The following SCGB2B2 variants were observed in gnomAD, a reference collection of about 807,000 sequenced individuals.
SCGB2B2 encodes secretoglobin family 2B member 2.
A neutral mutation model predicts 7.6 loss-of-function variants in SCGB2B2; 11 were observed. The ratio of observed to expected loss-of-function variants is 1.45; its 90% CI spans 0.91 to 2.40. SCGB2B2 has a LOEUF of 2.40. Ranked by LOEUF, SCGB2B2 falls within the 30% of genes most tolerant of loss-of-function variation. The pLI is 0.00. For synonymous variants in SCGB2B2, 50 were observed against 48.6 expected, an observed-to-expected ratio of 1.03 and a Z score of -0.12; for missense variants, 104 against 115.4, an observed-to-expected ratio of 0.90 and a Z score of 0.45.
chr19:34,669,078 C>A (rs1291727283), intron 1 of SCGB2B2, among the ~76,000 whole-genome samples: 2 of 152,144 alleles, frequency 1.3e-5, no homozygotes, highest in Admixed American at 1.3e-4. Context: ...TGAAAGTCTG[C>A]AGCTTCACTC....
At chr19:34,648,682 C>T (rs971387679) in intron 1 of SCGB2B2, among the ~76,000 whole-genome samples, 43 of 150,666 alleles carry the variant, frequency 2.9e-4, no homozygotes, top group African/African-American at 6.6e-4. Flanking sequence ...TTTGTATTAA[C>T]GTTAAAATTT....
chr19:34,657,807 C>G (rs1386264526), intron 1 of SCGB2B2, among the ~76,000 whole-genome samples: 1 of 152,188 alleles, frequency 6.6e-6, no homozygotes, highest in African/African-American at 2.4e-5. Context: ...TTCTCAGCAC[C>G]ACATCGCACT....
chr19:34,587,681 G>A (rs1242974485), downstream of SCGB2B2, among the ~76,000 whole-genome samples: 1 of 152,098 alleles, frequency 6.6e-6, no homozygotes, highest in Non-Finnish European at 1.5e-5. Context: ...GCCATACATC[G>A]ATTTATTGTG....
At chr19:34,608,057 T>C (rs1295210356) in intron 1 of SCGB2B2, among the ~76,000 whole-genome samples, 1 of 152,210 alleles carries the variant, frequency 6.6e-6, no homozygotes, top group Non-Finnish European at 1.5e-5. Flanking sequence ...CTTTGGGTAT[T>C]ATGAATATTT....
chr19:34,638,547 AATTGATTAT>A (rs2066755452), intron 1 of SCGB2B2, among the ~76,000 whole-genome samples: 1 of 152,148 alleles, frequency 6.6e-6, no homozygotes, highest in African/African-American at 2.4e-5. Flanking sequence ...AAGCTCATTG[AATTGATTAT>A]ATTTCCACGG....
At chr19:34,647,568 C>T (rs1177829731) in intron 1 of SCGB2B2, among the ~76,000 whole-genome samples, 1 of 131,480 alleles carries the variant, frequency 7.6e-6, no homozygotes, top group African/African-American at 2.5e-5. Flanking sequence ...CACGTCTTCT[C>T]GCCTTTGTCC....
chr19:34,601,704 A>G (rs1208091909), intron 1 of SCGB2B2, among the ~76,000 whole-genome samples: 1 of 152,208 alleles, frequency 6.6e-6, no homozygotes, highest in East Asian at 1.9e-4. Flanking sequence ...AAAACTTTTA[A>G]TATTTTATCT....
chr19:34,643,456 G>T (rs118160957), intron 1 of SCGB2B2, among the ~76,000 whole-genome samples: 1 of 152,052 alleles, frequency 6.6e-6, no homozygotes, highest in Non-Finnish European at 1.5e-5. Context: ...GGAGGTTAAC[G>T]CATGAAAGCC....
chr19:34,661,117 C>T (rs1393471482), intron 1 of SCGB2B2, among the ~76,000 whole-genome samples: 2 of 142,782 alleles, frequency 1.4e-5, no homozygotes, highest in Non-Finnish European at 3.0e-5. Context: ...CATGTCGGGG[C>T]CTGTCGGGGG....
chr19:34,672,973 C>T (rs1028468011), intron 1 of SCGB2B2, among the ~76,000 whole-genome samples: 1 of 148,570 alleles, frequency 6.7e-6, no homozygotes, highest in African/African-American at 2.5e-5. Context: ...AATTCTGTGG[C>T]GGGGGCGGGG....
intron 1 of SCGB2B2, among the ~76,000 whole-genome samples, chr19:34,606,848 A>C (rs8104773): frequency 0.31 from 47,703 of 151,720 alleles, 8,305 homozygotes; most frequent in Middle Eastern, 0.47. Context: ...ATTGTACACA[A>C]GGTTCAGTAC....
intron 1 of SCGB2B2, among the ~76,000 whole-genome samples, chr19:34,656,688 T>G (rs561204215): frequency 6.6e-6 from 1 of 151,372 alleles, no homozygotes; most frequent in Non-Finnish European, 1.5e-5. Flanking sequence ...AAAAATCTGA[T>G]GTTAAACTTC....
intron 1 of SCGB2B2, among the ~76,000 whole-genome samples, chr19:34,610,037 C>G (rs887538697): frequency 6.6e-6 from 1 of 152,018 alleles, no homozygotes; most frequent in African/African-American, 2.4e-5. Context: ...TCTTTCACCT[C>G]TTTGGTTAAA....
rs142349535 is a variant in SCGB2B2, at chr19:34,606,687, C to T, written c.-2031-10093G>A. The stretch of plus-strand genomic sequence containing the variant: ...TACAATAAGAATTTTCAGAGACAGA[C>T]AATGACCAGATTTATATAACTTTTA... On this transcript the variant is annotated intron_variant, in intron 1 of 3. Coordinates refer to ENST00000601241, the MANE Select transcript of SCGB2B2 (RefSeq NM_001025591.4). Among the ~76,000 whole-genome samples, 6 of 151,866 alleles carry T rather than the reference C, an allele frequency of 4.0e-5. No individual in the cohort carries two copies. The East Asian group carries it at 7.7e-4, about 20-fold the overall frequency.
At chr19:34,586,545 A>T (rs933769681), downstream of SCGB2B2, among the ~76,000 whole-genome samples, 1 of 152,196 alleles carries the variant, frequency 6.6e-6, no homozygotes, top group Non-Finnish European at 1.5e-5. Flanking sequence ...ATTTCTTCAG[A>T]GAGTGTTGTC....
At chr19:34,669,807 G>A (rs2067753088) in intron 1 of SCGB2B2, among the ~76,000 whole-genome samples, 1 of 151,862 alleles carries the variant, frequency 6.6e-6, no homozygotes, top group Non-Finnish European at 1.5e-5. Flanking sequence ...AGAGGCCAAT[G>A]CGATGGAAAA....
chr19:34,615,604 G>A (rs190341490), intron 1 of SCGB2B2, among the ~76,000 whole-genome samples: 1 of 152,176 alleles, frequency 6.6e-6, no homozygotes, highest in Admixed American at 6.5e-5. Context: ...CTTCTAGTCT[G>A]CCATGTTGCT....
At chr19:34,586,160 T>A (rs1462201894), downstream of SCGB2B2, among the ~76,000 whole-genome samples, 1 of 152,206 alleles carries the variant, frequency 6.6e-6, no homozygotes, top group Non-Finnish European at 1.5e-5. Context: ...ATAAAGTAAA[T>A]GTCTCTTTTT....
At chr19:34,613,837 T>C (rs1363587610) in intron 1 of SCGB2B2, among the ~76,000 whole-genome samples, 1 of 152,238 alleles carries the variant, frequency 6.6e-6, no homozygotes, top group Non-Finnish European at 1.5e-5. Context: ...TCCTTAGAGT[T>C]TCTTTTGTGG....
Sources: allele counts gnomAD v4.1 joint callset (sites outside exome capture counted in the v4.1 genomes callset), GRCh38; gene constraint gnomAD v4.1.1; transcripts MANE v1.5; gene names NCBI Gene and HGNC (gene_info 2026-07-23, HGNC 2026-07-21).